Variants in GRIN2B observed in about 807,000 individuals in gnomAD.
GRIN2B encodes the protein glutamate receptor ionotropic, NMDA 2B.
Under a neutral mutation model 114.5 loss-of-function variants are expected in GRIN2B, and 5 were observed. That is an observed-to-expected ratio of 0.04 (90% confidence interval 0.02 to 0.09). The LOEUF (loss-of-function observed/expected upper bound fraction) is 0.09. Ranked by LOEUF, GRIN2B falls within the 10% of genes least tolerant of loss-of-function variation. GRIN2B has a pLI of 1.00. For synonymous variants in GRIN2B, 787 were observed against 745.1 expected (o/e 1.06, Z -0.92); for missense variants, 1,108 against 1,943.5 (o/e 0.57, Z 8.08).
intron 5 of GRIN2B, among the ~76,000 whole-genome samples, chr12:13,669,147 T>C (rs1411295767): frequency 6.6e-6 from 1 of 152,014 alleles, no homozygotes; most frequent in African/African-American, 2.4e-5. Flanking sequence ...CCCCTGGTGT[T>C]GTTAACAGTT....
chr12:13,778,859 A>G (rs1254227389), intron 3 of GRIN2B, among the ~76,000 whole-genome samples: 1 of 152,118 alleles, frequency 6.6e-6, no homozygotes, highest in African/African-American at 2.4e-5. Context: ...TTTCTAGGAA[A>G]TCAATCCATT....
At chr12:13,838,833 C>T (rs1049734197) in intron 3 of GRIN2B, among the ~76,000 whole-genome samples, 1 of 152,186 alleles carries the variant, frequency 6.6e-6, no homozygotes, top group Non-Finnish European at 1.5e-5. Context: ...TACCAGCTTG[C>T]TCCCAGTGCC....
chr12:13,900,583 G>T (rs1482743883), intron 2 of GRIN2B, among the ~76,000 whole-genome samples: 1 of 151,998 alleles, frequency 6.6e-6, no homozygotes, highest in Admixed American at 6.6e-5. Context: ...GTCCAAAAAT[G>T]TCCCTGTGTG....
chr12:13,746,032 A>T (rs1863376223), intron 4 of GRIN2B, among the ~76,000 whole-genome samples: 1 of 152,174 alleles, frequency 6.6e-6, no homozygotes, highest in African/African-American at 2.4e-5. Flanking sequence ...AGACAAAAAA[A>T]ATTTTTTAAA....
intron 10 of GRIN2B, among the ~76,000 whole-genome samples, chr12:13,600,498 CATGT>C (rs768136449): frequency 6.6e-6 from 1 of 150,464 alleles, no homozygotes. Context: ...TGTGTGTGTG[CATGT>C]GTGTGTGTGT....
At position 13,808,743 on chromosome 12, in the gene GRIN2B, TAAA is replaced by T. The variant is rs61197260; in HGVS notation, c.412-54831_412-54829del. On this transcript the variant is annotated intron_variant, in intron 3 of 13. Coordinates refer to ENST00000609686, the MANE Select transcript of GRIN2B (RefSeq NM_000834.5). ...ATGTACCCTAGAACTTAAAGTATAATAAAAAAAAAATATATATATATATATATA... is the reference window on the plus strand; with the variant it reads ...ATGTACCCTAGAACTTAAAGTATAATAAAAAAATATATATATATATATATA... Among the ~76,000 whole-genome samples the T allele has an allele frequency of 4.8e-3, 550 of 115,042 alleles. 11 individuals carry two copies. Among genetic ancestry groups the T allele is most frequent in the Admixed American group, 6.0e-3 (73 of 12,218 alleles). 75.5% of individuals were successfully genotyped at this position (115,042 alleles called of 152,430 possible). A position where few individuals can be genotyped will look rare whatever the true frequency, so the allele number is the denominator to read the frequency against.
intron 4 of GRIN2B, among the ~76,000 whole-genome samples, chr12:13,698,973 G>A (rs1044033150): frequency 5.9e-5 from 9 of 152,116 alleles, no homozygotes; most frequent in Non-Finnish European, 7.3e-5. Flanking sequence ...GTGAGCCACC[G>A]CACCCGGCCA....
intron 4 of GRIN2B, among the ~76,000 whole-genome samples, chr12:13,718,165 T>C (rs1392762254): frequency 6.6e-6 from 1 of 152,018 alleles, no homozygotes; most frequent in African/African-American, 2.4e-5. Context: ...CACTCACTTT[T>C]CTCTAACCTG....
At chr12:13,786,721 G>A (rs1057008476) in intron 3 of GRIN2B, among the ~76,000 whole-genome samples, 3 of 152,096 alleles carry the variant, frequency 2.0e-5, no homozygotes, top group African/African-American at 4.8e-5. Flanking sequence ...TTGAAACCCA[G>A]GTGAACCATG....
intron 4 of GRIN2B, among the ~76,000 whole-genome samples, chr12:13,681,734 T>C (rs1565498417): frequency 6.6e-6 from 1 of 152,188 alleles, no homozygotes; most frequent in Non-Finnish European, 1.5e-5. Flanking sequence ...TCCAACATGA[T>C]TTTATGGGAT....
rs1949037849 is a variant in GRIN2B, at chr12:13,593,709, C to T, written c.2010+14894G>A. ...ATCTGATTAAACTAAAGAGCTTCTG[C>T]ACAGCAAAATAAACTATCATCAGAG... is the stretch of plus-strand genomic sequence containing the variant. On this transcript the variant is annotated intron_variant, in intron 10 of 13. Transcript: ENST00000609686. 2.0e-5 allele frequency among the ~76,000 whole-genome samples: 3 copies of T among 152,160 alleles called. No homozygotes were observed. The South Asian group carries it at 6.2e-4, about 31-fold the overall frequency.
At chr12:13,758,998 A>AGTTTTTTTT (rs771891565) in intron 3 of GRIN2B, among the ~76,000 whole-genome samples, 1 of 85,624 alleles carries the variant, frequency 1.2e-5, no homozygotes, top group African/African-American at 4.9e-5. Context: ...ATCTAGTTCA[A>AGTTTTTTTT]TTTTTTTTTT....
rs74538754 is a variant in GRIN2B at position 13,779,896 on chromosome 12, T to G, written c.412-25981A>C. Among the ~76,000 whole-genome samples the G allele has an allele frequency of 6.6e-5, 10 of 152,342 alleles. No individual in the cohort carries two copies. The East Asian group carries it at 1.7e-3, about 26-fold the overall frequency. On this transcript the variant is annotated intron_variant, in intron 3 of 13. Transcript: ENST00000609686. ...CACACGTCGCAAGAGTCTTATAATTTAGTGAGAAGGCACAATTCCTGAAAC... is the reference window on the plus strand; with the variant it reads ...CACACGTCGCAAGAGTCTTATAATTGAGTGAGAAGGCACAATTCCTGAAAC...
At chr12:13,670,101 C>A (rs1950009638) in intron 5 of GRIN2B, among the ~76,000 whole-genome samples, 1 of 152,082 alleles carries the variant, frequency 6.6e-6, no homozygotes, top group African/African-American at 2.4e-5. Flanking sequence ...TCCATTAATT[C>A]CTGAGTACTA....
intron 2 of GRIN2B, among the ~76,000 whole-genome samples, chr12:13,880,341 G>A (rs537446893): frequency 7.9e-5 from 12 of 152,342 alleles, no homozygotes; most frequent in African/African-American, 2.4e-4. Flanking sequence ...AAGAGCCCAC[G>A]GAAGGAATGT....
rs913417800 is a variant in GRIN2B, at chr12:13,610,773, G to A, written c.1780+952C>T. 5.3e-5 allele frequency among the ~76,000 whole-genome samples: 8 copies of A among 152,250 alleles called. 1 individual carries two copies. In the South Asian group the frequency reaches 1.5e-3, roughly 28 times the overall value. ...CTGGTTATTTTAACATGCAACCAAC[G>A]TAGAGAAACACTATTTTGAAACATA... On this transcript the variant is annotated intron_variant, in intron 9 of 13. Transcript: ENST00000609686.
At chr12:13,787,162 G>A (rs957696728) in intron 3 of GRIN2B, among the ~76,000 whole-genome samples, 4 of 152,112 alleles carry the variant, frequency 2.6e-5, no homozygotes, top group African/African-American at 9.7e-5. Flanking sequence ...TCTAACCTAG[G>A]CTAGGAGAAG....
chr12:13,595,931 G>C (rs946795737), intron 10 of GRIN2B, among the ~76,000 whole-genome samples: 1 of 152,024 alleles, frequency 6.6e-6, no homozygotes, highest in Admixed American at 6.5e-5. Flanking sequence ...ACCCTATGTG[G>C]TGTATGTGCT....
intron 5 of GRIN2B, among the ~76,000 whole-genome samples, chr12:13,631,385 G>T (rs1484596137): frequency 6.6e-6 from 1 of 152,082 alleles, no homozygotes; most frequent in African/African-American, 2.4e-5. Context: ...AAATATGAGG[G>T]TAAAAACATT....
Sources: gnomAD v4.1 joint callset for allele counts (sites outside exome capture counted in the v4.1 genomes callset) on GRCh38, gnomAD v4.1.1 for gene constraint, MANE v1.5 for transcripts, NCBI Gene and HGNC (gene_info 2026-07-23, HGNC 2026-07-21) for gene names.